Variants in SYT10 observed in about 807,000 individuals in gnomAD.
The protein encoded by SYT10 is synaptotagmin-10.
A neutral mutation model predicts 51.1 loss-of-function variants in SYT10; 31 were observed. That is an observed-to-expected ratio of 0.61 (90% CI 0.46 to 0.82). The LOEUF (loss-of-function observed/expected upper bound fraction) is 0.82. Among genes scored for constraint, SYT10 ranks in the 40% least tolerant of loss-of-function variants. The pLI is 0.00. For missense variants in SYT10, 603 were observed against 634.0 expected (o/e 0.95, Z 0.53); for synonymous variants, 233 against 225.9 (o/e 1.03, Z -0.28).
chr12:33,435,790 A>T (rs1866633460), intron 1 of SYT10, among the ~76,000 whole-genome samples: 1 of 152,288 alleles, frequency 6.6e-6, no homozygotes, highest in Non-Finnish European at 1.5e-5. Flanking sequence ...GGAAATTATG[A>T]TGTAATTCTT....
intron 6 of SYT10, among the ~76,000 whole-genome samples, 179 bp from the exon 7 acceptor site, chr12:33,377,080 G>A (rs1181332006): frequency 6.6e-6 from 1 of 152,170 alleles, no homozygotes; most frequent in Non-Finnish European, 1.5e-5. Context: ...AAGGGACATG[G>A]ATGTCTCATA....
Position 33,374,263 on chromosome 12 carries a change from A to C in SYT10, c.*2567T>G, listed in dbSNP as rs980110555. On this transcript the variant is annotated 3_prime_UTR_variant, in exon 7 of 7. Transcript: ENST00000228567. ...TTACTCTTTTTTTTCCTAGACTGAT[A>C]TTTGGTAAGTCCCTGAAGAAGTCCC... is the stretch of plus-strand genomic sequence containing the variant. 6.6e-6 allele frequency: 1 copy of C among 151,678 alleles called. No individual in the cohort carries two copies. The highest frequency in any genetic ancestry group is 1.5e-5 in the Non-Finnish European group (1 of 67,864). 9.4% of individuals were successfully genotyped at this position (151,678 alleles called of 1,614,324 possible).
intron 3 of SYT10, among the ~76,000 whole-genome samples, chr12:33,395,266 G>A (rs1451201120): frequency 6.6e-6 from 1 of 152,294 alleles, no homozygotes; most frequent in African/African-American, 2.4e-5. Flanking sequence ...ATAGCAAACT[G>A]CTTAATGCAG....
At chr12:33,409,324 C>G (rs1252866854) in intron 2 of SYT10, among the ~76,000 whole-genome samples, 2 of 151,718 alleles carry the variant, frequency 1.3e-5, no homozygotes, top group African/African-American at 4.8e-5. Context: ...TGAGGCGATT[C>G]TCCTGCCTCA....
intron 3 of SYT10, among the ~76,000 whole-genome samples, chr12:33,401,310 A>G (rs1172537920): frequency 1.3e-5 from 2 of 152,168 alleles, no homozygotes; most frequent in African/African-American, 4.8e-5. Context: ...CATAGGGTAC[A>G]CACTGTTTTT....
At position 33,439,566 on chromosome 12, in the gene SYT10, G is replaced by C; in HGVS notation, c.-44C>G. The C allele has an allele frequency of 1.3e-6, 2 of 1,599,454 alleles. No individual in the cohort carries two copies. The highest frequency in any genetic ancestry group is 1.7e-6 in the Non-Finnish European group (2 of 1,171,984). On this transcript the variant is annotated 5_prime_UTR_variant, in exon 1 of 7. Coordinates refer to ENST00000228567, the MANE Select transcript of SYT10 (RefSeq NM_198992.4). The stretch of plus-strand genomic sequence containing the variant: ...TTTTCTCTTTTTTTCCCAGTTAGCC[G>C]TCTTTTCCTCTTCCCGTACCTCTAA...
rs1187513555 is a variant in SYT10 at position 33,426,208 on chromosome 12, C to T, written c.439G>A (p.Ala147Thr). 2 of 1,613,760 alleles carry T rather than the reference C, an allele frequency of 1.2e-6. No homozygotes were observed. The highest frequency in any genetic ancestry group is 8.5e-7 in the Non-Finnish European group (1 of 1,179,962). ...TGTTTAATTAAATGTTCTTTTAAAG[C>T]AGTTTGGACTTCTGCTGGGATGTCA... ...SPDIPAEVQT[A>T]LKEHLIKHAR... Residue 147 changes from alanine (A) to threonine (T), a missense_variant, in exon 2 of 7, where the codon GCT (alanine) becomes ACT (threonine). Ala to Thr is a moderately conservative substitution (Grantham distance 58, BLOSUM62 0). Coordinates refer to ENST00000228567, the MANE Select transcript of SYT10 (RefSeq NM_198992.4).
intron 1 of SYT10, chr12:33,432,211 A>G (rs1214689966): frequency 4.6e-5 from 7 of 152,084 alleles, no homozygotes; most frequent in Non-Finnish European, 1.0e-4. Flanking sequence ...GCCATAGTTT[A>G]TTTGGCAACA....
At position 33,439,712 on chromosome 12, in the gene SYT10, G is replaced by A. The variant is rs1200246184; in HGVS notation, c.-190C>T. 2.0e-5 allele frequency: 13 copies of A among 639,706 alleles called. No individual in the cohort carries two copies. The highest frequency in any genetic ancestry group is 2.5e-6 in the Non-Finnish European group (1 of 393,478). 39.6% of individuals were successfully genotyped at this position (639,706 alleles called of 1,614,324 possible). A position where few individuals can be genotyped will look rare whatever the true frequency, so the allele number is the denominator to read the frequency against. ...CCCATGGCGGGAGCGGAGGGCGTAG[G>A]GGAAGGAGAGGCGCGCGAGGAGGCT... is the stretch of plus-strand genomic sequence containing the variant. On this transcript the variant is annotated 5_prime_UTR_variant, in exon 1 of 7. Transcript: ENST00000228567.
chr12:33,415,920 C>T (rs1472470447), intron 2 of SYT10, among the ~76,000 whole-genome samples: 2 of 152,128 alleles, frequency 1.3e-5, no homozygotes, highest in Non-Finnish European at 2.9e-5. Flanking sequence ...GAATGTTTCT[C>T]ACCTTATTAC....
chr12:33,382,069 T>C (rs899718851), intron 5 of SYT10, among the ~76,000 whole-genome samples: 1 of 152,218 alleles, frequency 6.6e-6, no homozygotes, highest in Non-Finnish European at 1.5e-5. Context: ...CTGTTGTTAC[T>C]ATAAAAAGAC....
chr12:33,439,238 G>A, intron 1 of SYT10, 134 bp downstream of exon 1: 1 of 1,169,236 alleles, frequency 8.6e-7, no homozygotes, highest in Non-Finnish European at 1.2e-6. Context: ...GCGAAGGAAG[G>A]AGCGAGGTAG....
chr12:33,399,747 A>AT (rs1866286411), intron 3 of SYT10, among the ~76,000 whole-genome samples: 2 of 152,184 alleles, frequency 1.3e-5, no homozygotes. Context: ...GGACTCTACT[A>AT]TTTTTAAACT....
At chr12:33,387,747 GTT>G (rs34524429) in intron 3 of SYT10, among the ~76,000 whole-genome samples, 11 of 122,640 alleles carry the variant, frequency 9.0e-5, no homozygotes, top group Admixed American at 1.7e-4. Context: ...CTTCTAACAT[GTT>G]TTTTTTTTTT....
intron 2 of SYT10, among the ~76,000 whole-genome samples, chr12:33,411,784 T>C (rs1866409346): frequency 6.6e-6 from 1 of 152,126 alleles, no homozygotes; most frequent in Admixed American, 6.6e-5. Flanking sequence ...TCTAATGCAT[T>C]AGGCATGACA....
chr12:33,431,126 C>G (rs1866593559), intron 1 of SYT10, among the ~76,000 whole-genome samples: 1 of 152,070 alleles, frequency 6.6e-6, no homozygotes, highest in South Asian at 2.1e-4. Flanking sequence ...GCTACTACGT[C>G]CATATTTCAG....
In SYT10 at chr12:33,385,303, A is replaced by T. The variant is rs773023397; in HGVS notation, c.1078-12T>A. ...AGGTCTATACTTTCCTAGAAAGGCAATCGGCATGTTAGCAATTTCAAACAT... is the reference window on the plus strand; with the variant it reads ...AGGTCTATACTTTCCTAGAAAGGCATTCGGCATGTTAGCAATTTCAAACAT... On this transcript the variant is annotated splice_polypyrimidine_tract_variant and intron_variant, in intron 3 of 6. Coordinates refer to ENST00000228567, the MANE Select transcript of SYT10 (RefSeq NM_198992.4). 6 of 1,612,034 alleles carry T rather than the reference A, an allele frequency of 3.7e-6. No individual in the cohort carries two copies. The African/African-American group carries it at 8.0e-5, about 22-fold the overall frequency.
intron 3 of SYT10, among the ~76,000 whole-genome samples, chr12:33,398,026 G>A (rs555917411): frequency 2.3e-4 from 35 of 152,144 alleles, no homozygotes; most frequent in African/African-American, 7.7e-4. Flanking sequence ...GTCAGAAATC[G>A]GAAGGGATGG....
At chr12:33,423,993 T>C in intron 2 of SYT10, 1 of 455,940 alleles carries the variant, frequency 2.2e-6, no homozygotes, top group Non-Finnish European at 4.4e-6. Flanking sequence ...CTTTTCTTCT[T>C]CTTCTTTCCC....
Sources: allele counts gnomAD v4.1 joint callset (sites outside exome capture counted in the v4.1 genomes callset), GRCh38; gene constraint gnomAD v4.1.1; transcripts MANE v1.5; gene names NCBI Gene and HGNC (gene_info 2026-07-23, HGNC 2026-07-21).